Variants in PPP2R3A observed in about 807,000 individuals in gnomAD.
PPP2R3A encodes the protein serine/threonine-protein phosphatase 2A regulatory subunit B'' subunit alpha.
In PPP2R3A, 80 loss-of-function variants were observed where a neutral mutation model predicts 106.9. The ratio of observed to expected loss-of-function variants is 0.75; its 90% CI spans 0.62 to 0.90. The LOEUF is 0.90. PPP2R3A is among the 40% of genes least tolerant of loss of function. PPP2R3A has a pLI of 0.00. For missense variants in PPP2R3A, 1,386 were observed against 1,350.4 expected, an observed-to-expected ratio of 1.03 and a Z score of -0.41; for synonymous variants, 483 against 468.3, an observed-to-expected ratio of 1.03 and a Z score of -0.41.
At chr3:136,125,722 C>A (rs1303332377) in intron 13 of PPP2R3A, among the ~76,000 whole-genome samples, 1 of 152,014 alleles carries the variant, frequency 6.6e-6, no homozygotes, top group Non-Finnish European at 1.5e-5. Context: ...CCCCTATGAA[C>A]ATCAATATAA....
chr3:136,064,773 CT>C (rs886460179), intron 5 of PPP2R3A, among the ~76,000 whole-genome samples: 20 of 152,150 alleles, frequency 1.3e-4, no homozygotes, highest in African/African-American at 4.3e-4. Flanking sequence ...AAACAATCTC[CT>C]TTGAACATTC....
intron 3 of PPP2R3A, among the ~76,000 whole-genome samples, chr3:136,032,722 G>A (rs2107833070): frequency 6.6e-6 from 1 of 152,154 alleles, no homozygotes; most frequent in Non-Finnish European, 1.5e-5. Context: ...TTTTAGTAGA[G>A]ACGGGGTTTC....
chr3:136,029,783 A>G (rs1430164781), intron 3 of PPP2R3A, among the ~76,000 whole-genome samples: 1 of 152,232 alleles, frequency 6.6e-6, no homozygotes, highest in Non-Finnish European at 1.5e-5. Context: ...ATTATACTTC[A>G]TTATAGCCCT....
Position 136,074,127 on chromosome 3 carries a change from C to T in PPP2R3A, c.2544+3575C>T, listed in dbSNP as rs747744177. 2.6e-5 allele frequency among the ~76,000 whole-genome samples: 4 copies of T among 152,300 alleles called. No homozygotes were observed. In the East Asian group the frequency reaches 7.7e-4, roughly 29 times the overall value. On this transcript the variant is annotated intron_variant, in intron 6 of 13. Transcript: ENST00000264977. ...TTAATATGTTTGCATGCTAGTGTTA[C>T]TCAGTTCTTTCAGTTTGCATTTGGA... is the stretch of plus-strand genomic sequence containing the variant.
intron 1 of PPP2R3A, among the ~76,000 whole-genome samples, chr3:135,984,626 C>T (rs1224061747): frequency 6.6e-6 from 1 of 152,090 alleles, no homozygotes; most frequent in Non-Finnish European, 1.5e-5. Flanking sequence ...GCTCTTCCTG[C>T]TTTGCTTCCT....
At chr3:136,130,120 C>T (rs1286096313) in intron 13 of PPP2R3A, among the ~76,000 whole-genome samples, 5 of 152,130 alleles carry the variant, frequency 3.3e-5, no homozygotes, top group African/African-American at 1.2e-4. Flanking sequence ...CAAGGATGCC[C>T]TCTCTAACCA....
intron 2 of PPP2R3A, among the ~76,000 whole-genome samples, chr3:136,017,719 G>A (rs1469594716): frequency 6.6e-6 from 1 of 152,084 alleles, no homozygotes; most frequent in African/African-American, 2.4e-5. Context: ...TCTGTCTTTG[G>A]TGTCACTTCA....
chr3:136,111,793 A>G (rs915168970), intron 13 of PPP2R3A, among the ~76,000 whole-genome samples: 4 of 152,176 alleles, frequency 2.6e-5, no homozygotes, highest in African/African-American at 9.7e-5. Context: ...TCTCTAACTC[A>G]TTCTGTGAGG....
chr3:136,095,295 G>A (rs562859282), intron 10 of PPP2R3A, among the ~76,000 whole-genome samples: 18 of 152,150 alleles, frequency 1.2e-4, no homozygotes, highest in Non-Finnish European at 2.4e-4. Flanking sequence ...AAGGTTTTTT[G>A]AGTCAAAAGC....
At chr3:135,983,862 G>A (rs6802942) in intron 1 of PPP2R3A, among the ~76,000 whole-genome samples, 15,065 of 152,186 alleles carry the variant, frequency 0.099, 798 homozygotes, top group African/African-American at 0.11. Flanking sequence ...CAAACTTATA[G>A]CCTGAAGTTC....
intron 3 of PPP2R3A, among the ~76,000 whole-genome samples, chr3:136,039,978 A>G (rs747858681): frequency 2.0e-5 from 3 of 152,208 alleles, no homozygotes; most frequent in Admixed American, 6.5e-5. Context: ...CCTCTAATAT[A>G]TAAATAAATT....
intron 1 of PPP2R3A, among the ~76,000 whole-genome samples, chr3:135,970,745 A>G (rs1225693042): frequency 6.6e-6 from 1 of 152,140 alleles, no homozygotes; most frequent in African/African-American, 2.4e-5. Flanking sequence ...ACATGCCTAC[A>G]ATGTAGGTGT....
intron 2 of PPP2R3A, among the ~76,000 whole-genome samples, chr3:136,013,206 G>A (rs1559868851): frequency 6.6e-6 from 1 of 151,620 alleles, no homozygotes; most frequent in Admixed American, 6.6e-5. Context: ...ATGTATGTAT[G>A]TATGTATGTA....
chr3:136,140,892 C>T (rs972729414), intron 13 of PPP2R3A, among the ~76,000 whole-genome samples: 9 of 152,136 alleles, frequency 5.9e-5, no homozygotes, highest in African/African-American at 1.4e-4. Context: ...GGCGACAGAG[C>T]GAGACTCTGT....
intron 10 of PPP2R3A, among the ~76,000 whole-genome samples, chr3:136,090,879 G>C (rs1937079443): frequency 6.6e-6 from 1 of 152,228 alleles, no homozygotes; most frequent in Non-Finnish European, 1.5e-5. Context: ...GTTACCCACA[G>C]AAACAAAGGT....
At chr3:136,133,047 A>G (rs574860596) in intron 13 of PPP2R3A, among the ~76,000 whole-genome samples, 1 of 152,326 alleles carries the variant, frequency 6.6e-6, no homozygotes, top group South Asian at 2.1e-4. Flanking sequence ...ATAATTAAAA[A>G]GGAATCATAG....
intron 1 of PPP2R3A, among the ~76,000 whole-genome samples, chr3:135,992,810 CAAGATTTGA>C (rs1933229848): frequency 1.3e-5 from 2 of 152,066 alleles, no homozygotes; most frequent in African/African-American, 4.8e-5. Flanking sequence ...CAAAAGTGGA[CAAGATTTGA>C]GCATATATAA....
intron 2 of PPP2R3A, among the ~76,000 whole-genome samples, chr3:136,026,150 G>T (rs766365461): frequency 6.6e-6 from 1 of 152,128 alleles, no homozygotes; most frequent in Non-Finnish European, 1.5e-5. Context: ...GAGTTTGGTT[G>T]TGATGAAATT....
At chr3:136,131,320 G>T (rs574296341) in intron 13 of PPP2R3A, among the ~76,000 whole-genome samples, 75 of 151,958 alleles carry the variant, frequency 4.9e-4, no homozygotes, top group Non-Finnish European at 3.2e-4. Context: ...AAATTTACAA[G>T]AAAAAAACAA....
Sources: gnomAD v4.1 joint callset for allele counts (sites outside exome capture counted in the v4.1 genomes callset) on GRCh38, gnomAD v4.1.1 for gene constraint, MANE v1.5 for transcripts, NCBI Gene and HGNC (gene_info 2026-07-23, HGNC 2026-07-21) for gene names.